The following FAM3C variants were observed in gnomAD, a reference collection of about 807,000 sequenced individuals.
FAM3C encodes protein FAM3C.
In FAM3C, 15 loss-of-function variants were observed where a neutral mutation model predicts 32.5. The observed-to-expected ratio is 0.46, with a 90% CI of 0.31 to 0.71. The LOEUF is 0.71. Ranked by LOEUF, FAM3C falls within the 30% of genes least tolerant of loss-of-function variation. FAM3C has a pLI of 0.05. For synonymous variants in FAM3C, 75 were observed against 86.1 expected (o/e 0.87, Z 0.72); for missense variants, 175 against 274.4 (o/e 0.64, Z 2.56).
At chr7:121,354,306 TA>T (rs1793766610) in intron 8 of FAM3C, among the ~76,000 whole-genome samples, 1 of 152,190 alleles carries the variant, frequency 6.6e-6, no homozygotes, top group African/African-American at 2.4e-5. Flanking sequence ...TGGTCTTAAC[TA>T]GCTGAGTTAA....
At chr7:121,386,607 A>C (rs1355880136) in intron 1 of FAM3C, among the ~76,000 whole-genome samples, 1 of 151,662 alleles carries the variant, frequency 6.6e-6, no homozygotes, top group African/African-American at 2.4e-5. Flanking sequence ...ACCTGTATAT[A>C]AATGAAGCTA....
At chr7:121,366,555 G>T (rs1584695535) in intron 5 of FAM3C, among the ~76,000 whole-genome samples, 1 of 152,144 alleles carries the variant, frequency 6.6e-6, no homozygotes, top group East Asian at 1.9e-4. Context: ...GGACAAGAAA[G>T]GCATAGAAGG....
In FAM3C at chr7:121,365,136, C is replaced by T. The variant is rs550284895; in HGVS notation, c.273-948G>A. ...CACACAATTTCATAAATAAAATCTA[C>T]GATGTACTTTATTATAAATCTCAGT... is the stretch of plus-strand genomic sequence containing the variant. On this transcript the variant is annotated intron_variant, in intron 5 of 9. Transcript: ENST00000359943. Among the ~76,000 whole-genome samples the T allele has an allele frequency of 1.4e-3, 209 of 152,170 alleles. 1 individual carries two copies. The highest frequency in any genetic ancestry group is 3.4e-3 in the Middle Eastern group (1 of 294).
At chr7:121,371,534 C>A in intron 4 of FAM3C, 111 bp from the exon 5 acceptor site, 1 of 1,126,998 alleles carries the variant, frequency 8.9e-7, no homozygotes, top group Non-Finnish European at 1.3e-6. Context: ...CATCAAGATA[C>A]ACGTATCTTA....
chr7:121,371,479 C>T (rs1584698780), intron 4 of FAM3C, 56 bp from the exon 5 acceptor site: 2 of 1,562,632 alleles, frequency 1.3e-6, no homozygotes, highest in African/African-American at 2.7e-5. Context: ...CAGACTTTAC[C>T]TCACTTTACT....
intron 1 of FAM3C, among the ~76,000 whole-genome samples, chr7:121,386,686 C>T (rs551764556): frequency 1.8e-3 from 240 of 132,564 alleles, no homozygotes; most frequent in African/African-American, 7.1e-3. Context: ...CACACACACA[C>T]GCACACATAT....
At position 121,351,282 on chromosome 7, in the gene FAM3C, G is replaced by A; in HGVS notation, c.468-13C>T. On this transcript the variant is annotated splice_polypyrimidine_tract_variant and intron_variant, in intron 8 of 9. Transcript: ENST00000359943. ...CTCATCATTGAGTCTTGAAGAGGGA[G>A]AGAAAGAATACAACAATAAACAGAG... The A allele has an allele frequency of 6.2e-7, 1 of 1,611,890 alleles. No individual in the cohort carries two copies. Among genetic ancestry groups the A allele is most frequent in the South Asian group, 1.1e-5 (1 of 90,804 alleles).
chr7:121,384,935 C>T (rs971320224), intron 1 of FAM3C, among the ~76,000 whole-genome samples: 2 of 151,972 alleles, frequency 1.3e-5, no homozygotes, highest in African/African-American at 4.8e-5. Flanking sequence ...TAAATCATTC[C>T]TATTTGTCTT....
intron 8 of FAM3C, among the ~76,000 whole-genome samples, chr7:121,356,181 T>A (rs1793804333): frequency 7.1e-6 from 1 of 140,890 alleles, no homozygotes; most frequent in Non-Finnish European, 1.5e-5. Context: ...AGAAATGTAA[T>A]CTCTGAAACA....
intron 8 of FAM3C, chr7:121,351,591 T>C (rs1421756806): frequency 4.5e-6 from 1 of 224,214 alleles, no homozygotes; most frequent in African/African-American, 2.3e-5. Context: ...TAGATGCCTA[T>C]CCAGGCTATC....
intron 1 of FAM3C, among the ~76,000 whole-genome samples, chr7:121,395,230 G>A (rs1189862527): frequency 1.4e-5 from 2 of 140,660 alleles, no homozygotes; most frequent in African/African-American, 2.8e-5. Flanking sequence ...CATATATATG[G>A]ATACATACAT....
chr7:121,366,058 A>G (rs1369962452), intron 5 of FAM3C, among the ~76,000 whole-genome samples: 1 of 152,162 alleles, frequency 6.6e-6, no homozygotes, highest in Non-Finnish European at 1.5e-5. Flanking sequence ...AAGTGTTGGC[A>G]AGGATGTGGA....
chr7:121,389,392 C>T (rs747397313), intron 1 of FAM3C, among the ~76,000 whole-genome samples: 4 of 152,166 alleles, frequency 2.6e-5, no homozygotes, highest in Admixed American at 6.5e-5. Flanking sequence ...AGCTCTTCTG[C>T]TCCTCTATAC....
At position 121,362,265 on chromosome 7, in the gene FAM3C, C is replaced by T. The variant is rs560187680; in HGVS notation, c.382+632G>A. Among the ~76,000 whole-genome samples the T allele has an allele frequency of 2.0e-5, 3 of 152,306 alleles. No homozygotes were observed. The South Asian group carries it at 6.2e-4, about 32-fold the overall frequency. On this transcript the variant is annotated intron_variant, in intron 7 of 9. Coordinates refer to ENST00000359943, the MANE Select transcript of FAM3C (RefSeq NM_014888.3). Reference sequence around the variant, plus strand: ...CCTCTGCGTGCTGGTAACTTCTTCCCACTCCTTGTGGGACTTCCAAATATG... The same window carrying T: ...CCTCTGCGTGCTGGTAACTTCTTCCTACTCCTTGTGGGACTTCCAAATATG...
At chr7:121,385,434 A>G (rs1424716962) in intron 1 of FAM3C, among the ~76,000 whole-genome samples, 1 of 152,198 alleles carries the variant, frequency 6.6e-6, no homozygotes, top group African/African-American at 2.4e-5. Flanking sequence ...AGCCACCACA[A>G]TGTCGCTGGA....
At chr7:121,379,837 AAAAT>A (rs1434580743) in intron 2 of FAM3C, among the ~76,000 whole-genome samples, 5 of 152,218 alleles carry the variant, frequency 3.3e-5, no homozygotes, top group African/African-American at 1.2e-4. Flanking sequence ...AAACTGCTTT[AAAAT>A]AATAAAGTCT....
At chr7:121,378,861 T>C in intron 3 of FAM3C, 49 bp downstream of exon 3, 1 of 976,938 alleles carries the variant, frequency 1.0e-6, no homozygotes, top group Non-Finnish European at 1.6e-6. Flanking sequence ...GATAAAACTT[T>C]AGGCCACATC....
intron 1 of FAM3C, among the ~76,000 whole-genome samples, chr7:121,395,520 T>G (rs1358470578): frequency 6.6e-6 from 1 of 151,158 alleles, no homozygotes; most frequent in Non-Finnish European, 1.5e-5. Flanking sequence ...GTAAAACAGC[T>G]GGAGCTCTCA....
intron 8 of FAM3C, among the ~76,000 whole-genome samples, chr7:121,356,643 G>C (rs1793815242): frequency 2.0e-5 from 3 of 152,188 alleles, no homozygotes; most frequent in Admixed American, 2.0e-4. Context: ...GAGAACAAGA[G>C]AATCTTGCCC....
Sources: allele counts gnomAD v4.1 joint callset (sites outside exome capture counted in the v4.1 genomes callset), GRCh38; gene constraint gnomAD v4.1.1; transcripts MANE v1.5; gene names NCBI Gene and HGNC (gene_info 2026-07-23, HGNC 2026-07-21).